SCPEP1: variants seen among roughly 807,000 people sequenced by gnomAD.
SCPEP1 encodes the protein retinoid-inducible serine carboxypeptidase.
SCPEP1 carries 51 observed loss-of-function variants against 63.8 expected under a neutral mutation model. The observed-to-expected ratio is 0.80, with a 90% CI of 0.64 to 1.01. The LOEUF is 1.01. Among genes scored for constraint, SCPEP1 ranks in the 50% least tolerant of loss-of-function variants. The probability of loss-of-function intolerance (pLI) is 0.00; values close to 1 mark genes in which losing one functional copy is unlikely to be tolerated. For synonymous variants in SCPEP1, 204 were observed against 207.8 expected, an observed-to-expected ratio of 0.98 and a Z score of 0.16; for missense variants, 499 against 554.9, an observed-to-expected ratio of 0.90 and a Z score of 1.01.
Position 56,995,024 on chromosome 17 carries a change from T to C in SCPEP1, c.657+6T>C, listed in dbSNP as rs1382188253. On this transcript the variant is annotated splice_donor_region_variant and intron_variant, in intron 7 of 12. Coordinates refer to ENST00000262288, the MANE Select transcript of SCPEP1 (RefSeq NM_021626.3). Reference sequence around the variant, plus strand: ...GACCTTACCTGTACAGCATGGTAAGTAGATACACATCTGCACCCTCTGGGC... The same window carrying C: ...GACCTTACCTGTACAGCATGGTAAGCAGATACACATCTGCACCCTCTGGGC... 3 of 1,611,270 alleles carry C rather than the reference T, an allele frequency of 1.9e-6. No homozygotes were observed. The highest frequency in any genetic ancestry group is 2.5e-6 in the Non-Finnish European group (3 of 1,177,432).
chr17:56,981,184 A>T lies in SCPEP1; in HGVS notation c.179A>T (p.Asn60Ile). The change falls in exon 2 of 13, where the codon AAC becomes ATC. Residue 60 changes from asparagine to isoleucine, a missense_variant. Transcript: ENST00000262288. ...TTCTGGTGGCTCTATTATGCCACCA[A>T]CTCCTGCAAGAACTTCTCAGAACTG... ...YMFWWLYYAT[N>I]SCKNFSELPL... 6.2e-7 allele frequency: 1 copy of T among 1,614,050 alleles called. No homozygotes were observed. Among genetic ancestry groups the T allele is most frequent in the South Asian group, 1.1e-5 (1 of 91,070 alleles).
At chr17:56,992,930 A>T (rs972095782) in intron 6 of SCPEP1, among the ~76,000 whole-genome samples, 2 of 152,178 alleles carry the variant, frequency 1.3e-5, no homozygotes, top group African/African-American at 2.4e-5. Context: ...ACTTTACCTT[A>T]TGAATCTGTT....
Position 56,991,095 on chromosome 17 carries a change from T to C in SCPEP1, c.547-4T>C. 6.2e-7 allele frequency: 1 copy of C among 1,613,078 alleles called. No homozygotes were observed. The highest frequency in any genetic ancestry group is 8.5e-7 in the Non-Finnish European group (1 of 1,179,068). On this transcript the variant is annotated splice_region_variant and splice_polypyrimidine_tract_variant and intron_variant, in intron 5 of 12. Transcript: ENST00000262288. ...CTGAGGACGTTTCTTGTTTCCTCTT[T>C]CAGGCCATTCAGCGAGGGACCATCA...
chr17:57,000,885 A>G lies in SCPEP1; in HGVS notation c.1025A>G (p.Glu342Gly). The change falls in exon 11 of 13, where the codon GAG becomes GGG. Residue 342 changes from glutamate to glycine, a missense_variant. Physicochemically the swap from Glu to Gly is moderately conservative, Grantham distance 98. Transcript: ENST00000262288. ...GCTACCAACGTCTTTGTGAACATGG[A>G]GGAGGACTTCATGAAGCCAGTCATT... ...GQATNVFVNM[E>G]EDFMKPVISI... The G allele has an allele frequency of 1.9e-6, 3 of 1,614,138 alleles. No homozygotes were observed. Among genetic ancestry groups the G allele is most frequent in the South Asian group, 2.2e-5 (2 of 91,082 alleles).
intron 12 of SCPEP1, among the ~76,000 whole-genome samples, 198 bp from the exon 13 acceptor site, chr17:57,005,975 C>G (rs563766507): frequency 3.9e-4 from 60 of 152,332 alleles, no homozygotes; most frequent in African/African-American, 1.4e-3. Context: ...CCAGCCCAGT[C>G]AGGGCCCAGA....
intron 6 of SCPEP1, among the ~76,000 whole-genome samples, chr17:56,994,306 A>G (rs1010764428): frequency 2.6e-5 from 4 of 152,226 alleles, no homozygotes; most frequent in African/African-American, 9.6e-5. Context: ...GTGTCTTTCA[A>G]TAGCACTTGT....
At chr17:57,001,117 A>G (rs928706667) in intron 11 of SCPEP1, 125 bp downstream of exon 11, 10 of 1,007,370 alleles carry the variant, frequency 9.9e-6, no homozygotes, top group Non-Finnish European at 1.4e-5. Flanking sequence ...GCCATTTCCC[A>G]TTACATCCGT....
At chr17:56,999,190 C>T (rs1196365521) in intron 10 of SCPEP1, among the ~76,000 whole-genome samples, 1 of 152,094 alleles carries the variant, frequency 6.6e-6, no homozygotes, top group South Asian at 2.1e-4. Flanking sequence ...TGAGATTTCG[C>T]GCCAAAGGTC....
chr17:56,988,167 C>A, intron 4 of SCPEP1, 49 bp from the exon 5 acceptor site: 1 of 1,394,696 alleles, frequency 7.2e-7, no homozygotes, highest in Non-Finnish European at 9.9e-7. Context: ...TTGTGTGACT[C>A]AAAAAGCAAT....
At chr17:56,995,417 C>G (rs943021550) in intron 7 of SCPEP1, 90 bp from the exon 8 acceptor site, 5 of 1,396,298 alleles carry the variant, frequency 3.6e-6, no homozygotes, top group Non-Finnish European at 4.9e-6. Flanking sequence ...CCTTCCTTCC[C>G]CTCTTTCTCC....
In SCPEP1 at chr17:56,978,137, G is replaced by T; in HGVS notation, c.-23G>T. On this transcript the variant is annotated 5_prime_UTR_variant, in exon 1 of 13. Coordinates refer to ENST00000262288, the MANE Select transcript of SCPEP1 (RefSeq NM_021626.3). Reference sequence around the variant, plus strand: ...GGGGCGCCGGGTCCAGCCTGTTGCTGATGCTGCCGTGCGGTACTTGTCATG... The same window carrying T: ...GGGGCGCCGGGTCCAGCCTGTTGCTTATGCTGCCGTGCGGTACTTGTCATG... 8.0e-7 allele frequency: 1 copy of T among 1,246,330 alleles called. No homozygotes were observed. The highest frequency in any genetic ancestry group is 1.2e-6 in the Non-Finnish European group (1 of 867,848). The allele number at this position is 1,246,330 out of a possible 1,614,324, so 77.2% of individuals were successfully genotyped here. A position where few individuals can be genotyped will look rare whatever the true frequency, so the allele number is the denominator to read the frequency against.
At chr17:57,005,514 G>T (rs1012742657) in intron 12 of SCPEP1, among the ~76,000 whole-genome samples, 2 of 152,172 alleles carry the variant, frequency 1.3e-5, no homozygotes, top group African/African-American at 4.8e-5. Flanking sequence ...AGTCAAGGAT[G>T]GGTGTGCCAT....
At chr17:57,000,505 T>C (rs997701467) in intron 10 of SCPEP1, among the ~76,000 whole-genome samples, 4 of 152,182 alleles carry the variant, frequency 2.6e-5, no homozygotes, top group African/African-American at 9.7e-5. Flanking sequence ...AAAACTGACA[T>C]TGGCCCAAAG....
intron 10 of SCPEP1, among the ~76,000 whole-genome samples, chr17:56,998,768 AT>A (rs1911651541): frequency 6.6e-6 from 1 of 152,062 alleles, no homozygotes; most frequent in Non-Finnish European, 1.5e-5. Flanking sequence ...ATTAAGCAAC[AT>A]AGTAAAGCCC....
chr17:56,999,705 G>T (rs540461635), intron 10 of SCPEP1, among the ~76,000 whole-genome samples: 1 of 152,190 alleles, frequency 6.6e-6, no homozygotes, highest in Non-Finnish European at 1.5e-5. Context: ...GGGTGTGGCC[G>T]GGTGTGGTGG....
At chr17:57,001,905 A>T in intron 11 of SCPEP1, 113 bp from the exon 12 acceptor site, 1 of 1,064,768 alleles carries the variant, frequency 9.4e-7, no homozygotes, top group Non-Finnish European at 1.4e-6. Flanking sequence ...CAAGATCCTG[A>T]GTGAGTTTCA....
intron 7 of SCPEP1, 102 bp from the exon 8 acceptor site, chr17:56,995,405 C>G: frequency 4.0e-6 from 5 of 1,261,274 alleles, no homozygotes; most frequent in Non-Finnish European, 4.4e-6. Context: ...AGCTCCCGTT[C>G]TCCTTCCTTC....
intron 7 of SCPEP1, 186 bp from the exon 8 acceptor site, chr17:56,995,321 C>T (rs1911512622): frequency 3.2e-6 from 2 of 627,384 alleles, no homozygotes; most frequent in South Asian, 2.4e-5. Flanking sequence ...TGAATACCTA[C>T]TTAGGTTCAG....
In SCPEP1 at chr17:57,003,183, A is replaced by AG. The variant is rs563012743; in HGVS notation, c.1296+1004dup. ...GGGAGCATGGAGAGCAGTGAATACAAGGTCCACAGGAGCCTCAGACAGCGA... is the reference window on the plus strand; with the variant it reads ...GGGAGCATGGAGAGCAGTGAATACAAGGGTCCACAGGAGCCTCAGACAGCGA... On this transcript the variant is annotated intron_variant, in intron 12 of 12. Coordinates refer to ENST00000262288, the MANE Select transcript of SCPEP1 (RefSeq NM_021626.3). 4.3e-3 allele frequency among the ~76,000 whole-genome samples: 654 copies of AG among 152,294 alleles called. 2 individuals carry two copies. Among genetic ancestry groups the AG allele is most frequent in the Middle Eastern group, 0.021 (6 of 292 alleles).
Sources: allele counts gnomAD v4.1 joint callset (sites outside exome capture counted in the v4.1 genomes callset), GRCh38; gene constraint gnomAD v4.1.1; transcripts MANE v1.5; gene names NCBI Gene and HGNC (gene_info 2026-07-23, HGNC 2026-07-21).